Variants in ZNF579 observed in about 807,000 individuals in gnomAD.
ZNF579 encodes the protein zinc finger protein 579.
Under a neutral mutation model 5.7 loss-of-function variants are expected in ZNF579, and 3 were observed. That is an observed-to-expected ratio of 0.53 (90% CI 0.24 to 1.36). The LOEUF (loss-of-function observed/expected upper bound fraction) is 1.36, where lower values mean the gene tolerates loss of function less well. Ranked by LOEUF, ZNF579 falls within the 40% of genes most tolerant of loss-of-function variation. The pLI is 0.16. For synonymous variants in ZNF579, 454 were observed against 409.0 expected (o/e 1.11, Z -1.33); for missense variants, 679 against 877.6 (o/e 0.77, Z 2.86).
chr19:55,578,269 C>T lies in ZNF579; in HGVS notation c.1371G>A (p.Leu457=), dbSNP rs1458963224. 2.2e-6 allele frequency: 3 copies of T among 1,351,544 alleles called. No individual in the cohort carries two copies. The highest frequency in any genetic ancestry group is 3.2e-5 in the East Asian group (1 of 31,634). The allele number at this position is 1,351,544 out of a possible 1,614,324, so 83.7% of individuals were successfully genotyped here. A position where few individuals can be genotyped will look rare whatever the true frequency, so the allele number is the denominator to read the frequency against. The change falls in exon 2 of 2, where the codon CTG becomes CTA. Residue 457 remains leucine (L), a synonymous_variant. Transcript: ENST00000325421. The part of the protein sequence containing the change: ...PRRFSRAYSL[L]RHQRCHRAEL... The stretch of plus-strand genomic sequence containing the variant: ...CTGCGCGGTGGCAGCGCTGGTGGCG[C>T]AGGAGGCTGTAGGCGCGCGAGAAGC...
Position 55,577,990 on chromosome 19 carries a change from G to A in ZNF579, c.1650C>T (p.Ser550=). Residue 550 remains serine, a synonymous_variant, in exon 2 of 2, where the codon AGC becomes AGT. Coordinates refer to ENST00000325421, the MANE Select transcript of ZNF579 (RefSeq NM_152600.3). ...CCCCCAGCCCGCGCAGGTGAGCCTT[G>A]CTGTCTACCTCTTCCTCCTCCATCT... ...AFEMEEEEVD[S]KAHLRGLGGL... The A allele has an allele frequency of 6.3e-7, 1 of 1,599,752 alleles. No individual in the cohort carries two copies.
In ZNF579 at chr19:55,578,896, G is replaced by T; in HGVS notation, c.744C>A (p.His248Gln). 1 of 1,592,520 alleles carries T rather than the reference G, an allele frequency of 6.3e-7. No homozygotes were observed. The highest frequency in any genetic ancestry group is 8.5e-7 in the Non-Finnish European group (1 of 1,170,372). ...AFATKGELKA[H>Q]PCLRPEGEQE... ...GTTCGCCCTCGGGGCGCAGACACGG[G>T]TGCGCCTTGAGCTCGCCCTTGGTGG... The change falls in exon 2 of 2, where the codon CAC (histidine) becomes CAA (glutamine). Residue 248 changes from histidine to glutamine, a missense_variant. This residue lies in a region of ZNF579 where 209 missense variants were observed against 223.4 expected (regional missense o/e 0.94). Transcript: ENST00000325421.
intron 1 of ZNF579, chr19:55,579,881 G>A (rs1979590649): frequency 2.5e-6 from 1 of 403,610 alleles, no homozygotes; most frequent in African/African-American, 2.1e-5. Context: ...AGAGACAGGA[G>A]AAGGCAGAGA....
chr19:55,579,884 G>T, intron 1 of ZNF579: 1 of 398,072 alleles, frequency 2.5e-6, no homozygotes, highest in Non-Finnish European at 4.4e-6. Context: ...GACAGGAGAA[G>T]GCAGAGATGG....
In ZNF579 at chr19:55,579,219, C is replaced by T. The variant is rs1467213592; in HGVS notation, c.421G>A (p.Glu141Lys). The T allele has an allele frequency of 2.0e-6, 3 of 1,522,906 alleles. No individual in the cohort carries two copies. The highest frequency in any genetic ancestry group is 2.5e-5 in the East Asian group (1 of 39,740). The allele number at this position is 1,522,906 out of a possible 1,614,324, so 94.3% of individuals were successfully genotyped here. Residue 141 changes from glutamate to lysine, a missense_variant, in exon 2 of 2, where the codon GAA (glutamate) becomes AAA (lysine). By Grantham distance (56) the Glu-to-Lys change is moderately conservative. Transcript: ENST00000325421. The part of the protein sequence containing the change: ...AIERVAKETA[E>K]PSWGPQDEGS... The stretch of plus-strand genomic sequence containing the variant: ...TCGTCCTGCGGGCCCCAGCTGGGTT[C>T]GGCCGTCTCCTTGGCCACCCTCTCG...
In ZNF579 at chr19:55,578,532, C is replaced by T. The variant is rs981049326; in HGVS notation, c.1108G>A (p.Gly370Ser). The change falls in exon 2 of 2, where the codon GGC becomes AGC. Residue 370 changes from glycine to serine, a missense_variant. Gly to Ser is a moderately conservative substitution (Grantham distance 56). This residue lies in a region of ZNF579 where 114 missense variants were observed against 98.9 expected (regional missense o/e 1.15). Transcript: ENST00000325421. ...GGGGGCCGAGCCGGGGCGGCGTCGC[C>T]TCCGTTCTGCCCTTCTCCCCCTTCC... The part of the protein sequence containing the change: ...ASEGGEGQNG[G>S]DAAPARPPAG... The T allele has an allele frequency of 7.3e-7, 1 of 1,372,386 alleles. No homozygotes were observed. Among genetic ancestry groups the T allele is most frequent in the Middle Eastern group, 2.3e-4 (1 of 4,284 alleles). 85.0% of individuals were successfully genotyped at this position (1,372,386 alleles called of 1,614,324 possible).
At position 55,578,505 on chromosome 19, in the gene ZNF579, C is replaced by A. The variant is rs552652206; in HGVS notation, c.1135G>T (p.Ala379Ser). The A allele has an allele frequency of 5.8e-5, 82 of 1,416,050 alleles. No individual in the cohort carries two copies. In the African/African-American group the frequency reaches 1.1e-3, roughly 20 times the overall value. 87.7% of individuals were successfully genotyped at this position (1,416,050 alleles called of 1,614,324 possible). Residue 379 changes from alanine to serine, a missense_variant, in exon 2 of 2, where the codon GCC (alanine) becomes TCC (serine). Coordinates refer to ENST00000325421, the MANE Select transcript of ZNF579 (RefSeq NM_152600.3). Reference protein sequence around the residue: ...GGDAAPARPPAGEPRFWCPEC... With the variant: ...GGDAAPARPPSGEPRFWCPEC... ...GGGCACCAGAAGCGGGGCTCCCCGG[C>A]GGGGGGCCGAGCCGGGGCGGCGTCG...
In ZNF579 at chr19:55,577,794, G is replaced by C; in HGVS notation, c.*157C>G. 1.5e-6 allele frequency: 2 copies of C among 1,354,522 alleles called. No homozygotes were observed. Among genetic ancestry groups the C allele is most frequent in the Non-Finnish European group, 2.0e-6 (2 of 1,022,498 alleles). The allele number at this position is 1,354,522 out of a possible 1,614,324, so 83.9% of individuals were successfully genotyped here. On this transcript the variant is annotated 3_prime_UTR_variant, in exon 2 of 2. Coordinates refer to ENST00000325421, the MANE Select transcript of ZNF579 (RefSeq NM_152600.3). ...ATCAGGGGTTCTGGGGGCGGGCGAT[G>C]GGGGAGGAAGGGGCAGTCCAGGGCC...
rs761493869 is a variant in ZNF579 at position 55,579,165 on chromosome 19, C to A, written c.475G>T (p.Ala159Ser). The A allele has an allele frequency of 1.2e-5, 19 of 1,525,892 alleles. No individual in the cohort carries two copies. The highest frequency in any genetic ancestry group is 1.5e-5 in the Non-Finnish European group (17 of 1,142,320). 94.5% of individuals were successfully genotyped at this position (1,525,892 alleles called of 1,614,324 possible). Reference sequence around the variant, plus strand: ...ACCGCCTCCTCCTCCGTGGCCCCTGCTGCAGCGGTGGTGGGCGGCTCCGAG... The same window carrying A: ...ACCGCCTCCTCCTCCGTGGCCCCTGATGCAGCGGTGGTGGGCGGCTCCGAG... ...EGSEPPTTAA[A>S]GATEEEAVAA... The change falls in exon 2 of 2, where the codon GCA becomes TCA. Residue 159 changes from alanine (A) to serine (S), a missense_variant. Coordinates refer to ENST00000325421, the MANE Select transcript of ZNF579 (RefSeq NM_152600.3).
Position 55,579,205 on chromosome 19 carries a change from G to T in ZNF579, c.435C>A (p.Gly145=), listed in dbSNP as rs1393801156. The change falls in exon 2 of 2, where the codon GGC becomes GGA. Residue 145 remains glycine (G), a synonymous_variant. Transcript: ENST00000325421. The part of the protein sequence containing the change: ...VAKETAEPSW[G]PQDEGSEPPT... ...GCGGCTCCGAGCCCTCGTCCTGCGG[G>T]CCCCAGCTGGGTTCGGCCGTCTCCT... 2.0e-6 allele frequency: 3 copies of T among 1,523,870 alleles called. No individual in the cohort carries two copies. Among genetic ancestry groups the T allele is most frequent in the African/African-American group, 2.8e-5 (2 of 71,500 alleles). 94.4% of individuals were successfully genotyped at this position (1,523,870 alleles called of 1,614,324 possible). A position where few individuals can be genotyped will look rare whatever the true frequency, so the allele number is the denominator to read the frequency against.
In ZNF579 at chr19:55,578,853, GC is replaced by G; in HGVS notation, c.786del (p.Pro264ArgfsTer141). 2 of 1,599,152 alleles carry G rather than the reference GC, an allele frequency of 1.3e-6. No individual in the cohort carries two copies. Among genetic ancestry groups the G allele is most frequent in the Non-Finnish European group, 1.7e-6 (2 of 1,172,378 alleles). ...TGGTGTCGCTTGGGGCGTGGCGGGG[GC>G]CCCCCTTCCCCTTCCTGTTCGCCCT... ...RPEGEQEGEG[G>X]PPPRPKRHQC... On this transcript the variant is annotated frameshift_variant, in exon 2 of 2. Transcript: ENST00000325421. LOFTEE classifies it low-confidence loss of function (END_TRUNC).
In ZNF579 at chr19:55,579,203, G is replaced by C. The variant is rs1471690027; in HGVS notation, c.437C>G (p.Pro146Arg). Residue 146 changes from proline to arginine, a missense_variant, in exon 2 of 2, where the codon CCG becomes CGG. By Grantham distance (103) the Pro-to-Arg change is moderately radical (BLOSUM62 -2). Coordinates refer to ENST00000325421, the MANE Select transcript of ZNF579 (RefSeq NM_152600.3). ...GGGCGGCTCCGAGCCCTCGTCCTGC[G>C]GGCCCCAGCTGGGTTCGGCCGTCTC... ...AKETAEPSWG[P>R]QDEGSEPPTT... The C allele has an allele frequency of 2.0e-6, 3 of 1,524,224 alleles. No individual in the cohort carries two copies. The East Asian group carries it at 7.5e-5, about 38-fold the overall frequency. 94.4% of individuals were successfully genotyped at this position (1,524,224 alleles called of 1,614,324 possible). A position where few individuals can be genotyped will look rare whatever the true frequency, so the allele number is the denominator to read the frequency against.
Position 55,578,014 on chromosome 19 carries a change from C to T in ZNF579, c.1626G>A (p.Glu542=). The T allele has an allele frequency of 1.9e-6, 3 of 1,599,470 alleles. No homozygotes were observed. The highest frequency in any genetic ancestry group is 2.6e-6 in the Non-Finnish European group (3 of 1,173,322). Residue 542 remains glutamate, a synonymous_variant, in exon 2 of 2, where the codon GAG becomes GAA. Coordinates refer to ENST00000325421, the MANE Select transcript of ZNF579 (RefSeq NM_152600.3). ...CFDSQDHSAF[E]MEEEEVDSKA... ...TGCTGTCTACCTCTTCCTCCTCCAT[C>T]TCGAAGGCTGAGTGGTCTTGGCTGT...
At position 55,578,858 on chromosome 19, in the gene ZNF579, C is replaced by T. The variant is rs1979507177; in HGVS notation, c.782G>A (p.Gly261Glu). ...TCGCTTGGGGCGTGGCGGGGGCCCC[C>T]CTTCCCCTTCCTGTTCGCCCTCGGG... ...LRPEGEQEGEGGPPPRPKRHQ... is the reference protein window; with the variant it reads ...LRPEGEQEGEEGPPPRPKRHQ... Residue 261 changes from glycine (G) to glutamate (E), a missense_variant, in exon 2 of 2, where the codon GGG (glycine) becomes GAG (glutamate). Transcript: ENST00000325421. 1 of 1,598,010 alleles carries T rather than the reference C, an allele frequency of 6.3e-7. No homozygotes were observed. Among genetic ancestry groups the T allele is most frequent in the Non-Finnish European group, 8.5e-7 (1 of 1,171,978 alleles).
rs980675818 is a variant in ZNF579 at position 55,577,910 on chromosome 19, G to A, written c.*41C>T. 5 of 1,552,178 alleles carry A rather than the reference G, an allele frequency of 3.2e-6. No individual in the cohort carries two copies. Among genetic ancestry groups the A allele is most frequent in the South Asian group, 2.4e-5 (2 of 84,384 alleles). Reference sequence around the variant, plus strand: ...ACTTCCCTCCTCCATTCTGCAAACCGGGGAGCTCAGGCGGAGCGGCGGAGG... The same window carrying A: ...ACTTCCCTCCTCCATTCTGCAAACCAGGGAGCTCAGGCGGAGCGGCGGAGG... On this transcript the variant is annotated 3_prime_UTR_variant, in exon 2 of 2. Coordinates refer to ENST00000325421, the MANE Select transcript of ZNF579 (RefSeq NM_152600.3).
intron 1 of ZNF579, 36 bp from the exon 2 acceptor site, chr19:55,579,677 A>G: frequency 7.2e-7 from 1 of 1,392,184 alleles, no homozygotes; most frequent in Non-Finnish European, 9.3e-7. Flanking sequence ...GAAGCGGGGC[A>G]GAGATAAAAA....
chr19:55,578,197 CG>C lies in ZNF579; in HGVS notation c.1442del (p.Pro481ArgfsTer11). ...GCGGCGGGGGCGGTGGCGGCGACGT[CG>C]GGGCCTGGGCCTGCAGTGCCTGCAG... is the stretch of plus-strand genomic sequence containing the variant. Reference protein sequence around the residue: ...AALQALQAQAPTSPPPPPPPL... With the variant: ...AALQALQAQAXTSPPPPPPPL... On this transcript the variant is annotated frameshift_variant, in exon 2 of 2. Transcript: ENST00000325421. LOFTEE classifies it high-confidence loss of function. 6.7e-7 allele frequency: 1 copy of C among 1,484,908 alleles called. No individual in the cohort carries two copies. The allele number at this position is 1,484,908 out of a possible 1,614,324, so 92.0% of individuals were successfully genotyped here.
chr19:55,578,808 C>T lies in ZNF579; in HGVS notation c.832G>A (p.Ala278Thr). The stretch of plus-strand genomic sequence containing the variant: ...GACAGGGACCAGGGCCTGGCGAAGG[C>T]CTTGAGGCAGATGGAGCACTGGTGT... ...KRHQCSICLK[A>T]FARPWSLSRH... The change falls in exon 2 of 2, where the codon GCC becomes ACC. Residue 278 changes from alanine (A) to threonine (T), a missense_variant. Coordinates refer to ENST00000325421, the MANE Select transcript of ZNF579 (RefSeq NM_152600.3). 6.2e-7 allele frequency: 1 copy of T among 1,602,756 alleles called. No individual in the cohort carries two copies. Among genetic ancestry groups the T allele is most frequent in the Non-Finnish European group, 8.5e-7 (1 of 1,174,376 alleles).
Position 55,578,092 on chromosome 19 carries a change from G to C in ZNF579, c.1548C>G (p.Thr516=). ...GGGGAGCCGGCGGGGACTGGGGTGG[G>C]GTCCCCGGAGAGGGCGGCTCTTCCT... ...NIKEEPPSPG[T]PPQSPPAPPV... Residue 516 remains threonine (T), a synonymous_variant, in exon 2 of 2, where the codon ACC becomes ACG. Coordinates refer to ENST00000325421, the MANE Select transcript of ZNF579 (RefSeq NM_152600.3). 6.4e-7 allele frequency: 1 copy of C among 1,568,356 alleles called. No individual in the cohort carries two copies. Among genetic ancestry groups the C allele is most frequent in the Non-Finnish European group, 8.6e-7 (1 of 1,156,232 alleles).
Sources: gnomAD v4.1 joint callset for allele counts on GRCh38, gnomAD v4.1.1 for gene constraint, gnomAD v4.1.1 regional missense constraint, MANE v1.5 for transcripts, NCBI Gene and HGNC (gene_info 2026-07-23, HGNC 2026-07-21) for gene names.